CD247: variants seen among roughly 807,000 people sequenced by gnomAD.
The protein encoded by CD247 is CD247 molecule.
In CD247, 13 loss-of-function variants were observed where a neutral mutation model predicts 30.0. That is an observed-to-expected ratio of 0.43 (90% CI 0.28 to 0.69). The LOEUF (loss-of-function observed/expected upper bound fraction) is 0.69, where lower values mean the gene tolerates loss of function less well. Ranked by LOEUF, CD247 falls within the 30% of genes least tolerant of loss-of-function variation. The pLI, the probability that CD247 is intolerant of heterozygous loss-of-function variation, is 0.16. For synonymous variants in CD247, 72 were observed against 80.0 expected (o/e 0.90, Z 0.53); for missense variants, 193 against 212.6 (o/e 0.91, Z 0.57).
At chr1:167,469,020 G>T (rs552845444) in intron 1 of CD247, among the ~76,000 whole-genome samples, 14 of 151,194 alleles carry the variant, frequency 9.3e-5, no homozygotes, top group African/African-American at 3.2e-4. Context: ...GCTTTGTTTT[G>T]TCTTTTTCCT....
intron 1 of CD247, among the ~76,000 whole-genome samples, chr1:167,506,415 A>C (rs1289328208): frequency 7.1e-6 from 1 of 140,728 alleles, no homozygotes; most frequent in African/African-American, 2.7e-5. Context: ...TAGTATTATC[A>C]CGGCTCACTG....
chr1:167,435,472 A>G, intron 4 of CD247, 38 bp from the exon 5 acceptor site: 1 of 1,566,026 alleles, frequency 6.4e-7, no homozygotes, highest in Non-Finnish European at 8.8e-7. Context: ...AGGGAGAGAA[A>G]CACAAACCCA....
intron 1 of CD247, among the ~76,000 whole-genome samples, chr1:167,472,435 A>G (rs1352877696): frequency 2.6e-5 from 4 of 152,206 alleles, no homozygotes; most frequent in African/African-American, 9.6e-5. Context: ...CTATGGCCAA[A>G]TGTGTTTGTA....
chr1:167,475,432 A>G (rs547503290), intron 1 of CD247, among the ~76,000 whole-genome samples: 217 of 152,346 alleles, frequency 1.4e-3, no homozygotes, highest in Non-Finnish European at 2.4e-3. Flanking sequence ...GGCATTTATC[A>G]GGGTAACCAA....
At chr1:167,477,315 G>C (rs1653792677) in intron 1 of CD247, among the ~76,000 whole-genome samples, 1 of 152,208 alleles carries the variant, frequency 6.6e-6, no homozygotes, top group Admixed American at 6.5e-5. Context: ...ATTTTACCTG[G>C]AGCCTGCCTT....
At chr1:167,462,925 C>A (rs1653087181) in intron 1 of CD247, among the ~76,000 whole-genome samples, 1 of 152,178 alleles carries the variant, frequency 6.6e-6, no homozygotes, top group Non-Finnish European at 1.5e-5. Flanking sequence ...TTTTCTCCAT[C>A]ATCTGTGCTT....
chr1:167,452,538 G>A (rs983545838), intron 1 of CD247, among the ~76,000 whole-genome samples: 4 of 152,190 alleles, frequency 2.6e-5, no homozygotes, highest in Admixed American at 2.6e-4. Flanking sequence ...CTCACGAGTG[G>A]TCATGTGGTG....
intron 1 of CD247, among the ~76,000 whole-genome samples, chr1:167,467,131 C>A (rs537954573): frequency 1.4e-4 from 21 of 152,370 alleles, no homozygotes; most frequent in Non-Finnish European, 2.5e-4. Flanking sequence ...AGCCACCGCG[C>A]CCGGCCCCTT....
rs1452022525 is a variant in CD247 at position 167,494,262 on chromosome 1, G to C, written c.58+24146C>G. On this transcript the variant is annotated intron_variant, in intron 1 of 7. Transcript: ENST00000362089. This position sits in a 1 kb window ranked among gnomAD's most constrained non-coding sequence, Gnocchi z 7.3. ...TGGCCATGATCAATTCGGATCCCCA[G>C]GGCCAGTTCAGCAAAACCTCTGTCA... 1.3e-5 allele frequency among the ~76,000 whole-genome samples: 2 copies of C among 152,140 alleles called. No homozygotes were observed. Among genetic ancestry groups the C allele is most frequent in the Non-Finnish European group, 2.9e-5 (2 of 68,012 alleles).
chr1:167,495,301 G>C (rs1180396587), intron 1 of CD247, among the ~76,000 whole-genome samples: 2 of 151,974 alleles, frequency 1.3e-5, no homozygotes, highest in Non-Finnish European at 2.9e-5. Context: ...AGTTTGCTGA[G>C]AGGAATAAAT....
In CD247 at chr1:167,502,565, G is replaced by C. The variant is rs114977830; in HGVS notation, c.58+15843C>G. On this transcript the variant is annotated intron_variant, in intron 1 of 7. Transcript: ENST00000362089. Reference sequence around the variant, plus strand: ...AGATGATTCCAGAAACCGTTGGTAGGTGTTATGGGTTGAACTGTGTCCCCT... The same window carrying C: ...AGATGATTCCAGAAACCGTTGGTAGCTGTTATGGGTTGAACTGTGTCCCCT... Among the ~76,000 whole-genome samples, 559 of 152,264 alleles carry C rather than the reference G, an allele frequency of 3.7e-3. 2 individuals carry two copies. The highest frequency in any genetic ancestry group is 5.7e-3 in the Non-Finnish European group (390 of 68,004).
At chr1:167,459,608 C>T (rs1049726775) in intron 1 of CD247, 8 of 152,190 alleles carry the variant, frequency 5.3e-5, no homozygotes, top group Non-Finnish European at 8.8e-5. Context: ...CTGCCTTAGC[C>T]TCTCAAAGTG....
intron 1 of CD247, among the ~76,000 whole-genome samples, chr1:167,471,388 C>T (rs1653515687): frequency 6.6e-6 from 1 of 152,188 alleles, no homozygotes. Flanking sequence ...TTTTGAGAGA[C>T]TCTAATTCAT....
At chr1:167,510,181 A>G (rs777160229) in intron 1 of CD247, among the ~76,000 whole-genome samples, 5 of 152,150 alleles carry the variant, frequency 3.3e-5, no homozygotes, top group Non-Finnish European at 7.4e-5. Flanking sequence ...CACACCATAC[A>G]TACAAAATCA....
In CD247 at chr1:167,431,279, CCACT is replaced by C. The variant is rs1651253294; in HGVS notation, c.*398_*401del. ...AGCCAAATTTACAGCAGGAGTGAAG[CCACT>C]CAGACACAGAGTGATACAGACATTA... On this transcript the variant is annotated 3_prime_UTR_variant, in exon 8 of 8. Coordinates refer to ENST00000362089, the MANE Select transcript of CD247 (RefSeq NM_198053.3). The C allele has an allele frequency of 5.8e-6, 3 of 518,030 alleles. No individual in the cohort carries two copies. The highest frequency in any genetic ancestry group is 1.0e-5 in the Non-Finnish European group (3 of 295,842). 32.1% of individuals were successfully genotyped at this position (518,030 alleles called of 1,614,324 possible).
intron 1 of CD247, among the ~76,000 whole-genome samples, chr1:167,480,186 G>A (rs1350433251): frequency 6.6e-6 from 1 of 152,174 alleles, no homozygotes; most frequent in African/African-American, 2.4e-5. Flanking sequence ...ACACAATCCT[G>A]CCCTGGAGAG....
At chr1:167,471,639 G>A (rs1209247741) in intron 1 of CD247, among the ~76,000 whole-genome samples, 1 of 151,936 alleles carries the variant, frequency 6.6e-6, no homozygotes, top group African/African-American at 2.4e-5. Context: ...GTCTCATTCT[G>A]TCTCTCACGC....
chr1:167,499,211 C>T (rs1489433837), intron 1 of CD247, among the ~76,000 whole-genome samples: 1 of 152,182 alleles, frequency 6.6e-6, no homozygotes, highest in Non-Finnish European at 1.5e-5. Flanking sequence ...GTGCTACTGT[C>T]ATCTAGTGGG....
intron 5 of CD247, chr1:167,434,708 C>T (rs1182141222): frequency 4.5e-6 from 2 of 442,634 alleles, no homozygotes; most frequent in South Asian, 1.6e-5. Context: ...CCCCCTACAC[C>T]CCAGGCTGAT....
Sources: gnomAD v4.1 joint callset for allele counts (sites outside exome capture counted in the v4.1 genomes callset) on GRCh38, gnomAD v4.1.1 for gene constraint, Gnocchi (gnomAD v3.1) non-coding constraint, MANE v1.5 for transcripts, NCBI Gene and HGNC (gene_info 2026-07-23, HGNC 2026-07-21) for gene names.